SPOCK3: variants seen among roughly 807,000 people sequenced by gnomAD.
SPOCK3 encodes testican-3.
A neutral mutation model predicts 56.6 loss-of-function variants in SPOCK3; 30 were observed. That is an observed-to-expected ratio of 0.53 (90% CI 0.40 to 0.72). The LOEUF (loss-of-function observed/expected upper bound fraction) is 0.72. Among genes scored for constraint, SPOCK3 ranks in the 30% least tolerant of loss-of-function variants. The pLI is 0.00. For missense variants in SPOCK3, 527 were observed against 530.0 expected, an observed-to-expected ratio of 0.99 and a Z score of 0.06; for synonymous variants, 196 against 183.3, an observed-to-expected ratio of 1.07 and a Z score of -0.56.
At chr4:166,899,508 CTTT>C (rs781766258) in intron 5 of SPOCK3, among the ~76,000 whole-genome samples, 1 of 119,102 alleles carries the variant, frequency 8.4e-6, no homozygotes, top group Non-Finnish European at 1.7e-5. Context: ...TTCTTTCTTT[CTTT>C]TTTTTTTTTT....
intron 2 of SPOCK3, among the ~76,000 whole-genome samples, chr4:167,122,820 C>A (rs1404331964): frequency 6.6e-6 from 1 of 151,954 alleles, no homozygotes; most frequent in African/African-American, 2.4e-5. Flanking sequence ...ATGAGTGGTG[C>A]TAAAGAACAA....
chr4:166,750,532 G>A (rs1736237342), intron 8 of SPOCK3, among the ~76,000 whole-genome samples: 2 of 119,832 alleles, frequency 1.7e-5, no homozygotes. Context: ...TTTATTAACT[G>A]TTCTAAACCA....
intron 6 of SPOCK3, among the ~76,000 whole-genome samples, chr4:166,848,737 C>A (rs1748362196): frequency 6.6e-6 from 1 of 152,120 alleles, no homozygotes; most frequent in Admixed American, 6.5e-5. Flanking sequence ...ATTCTGGGAG[C>A]CAACAAGCCG....
At chr4:167,175,741 C>A (rs866031131) in intron 2 of SPOCK3, among the ~76,000 whole-genome samples, 1 of 152,088 alleles carries the variant, frequency 6.6e-6, no homozygotes, top group Non-Finnish European at 1.5e-5. Flanking sequence ...AATACCAGCC[C>A]TGTTCACACC....
chr4:166,997,919 A>T (rs1349118168), intron 4 of SPOCK3, among the ~76,000 whole-genome samples: 2 of 152,182 alleles, frequency 1.3e-5, no homozygotes, highest in African/African-American at 2.4e-5. Flanking sequence ...TAAACTATGC[A>T]AATGGACAAA....
At chr4:167,106,714 T>TA in intron 2 of SPOCK3, among the ~76,000 whole-genome samples, 1 of 151,098 alleles carries the variant, frequency 6.6e-6, no homozygotes, top group Non-Finnish European at 1.5e-5. Context: ...AAAGTTGTTT[T>TA]TTTTTTTTGA....
At chr4:166,830,625 T>C (rs1396750773) in intron 6 of SPOCK3, among the ~76,000 whole-genome samples, 1 of 152,126 alleles carries the variant, frequency 6.6e-6, no homozygotes, top group Non-Finnish European at 1.5e-5. Context: ...TCCTAGATAC[T>C]TGAAAGACTG....
intron 4 of SPOCK3, among the ~76,000 whole-genome samples, chr4:166,968,808 A>T (rs1745041536): frequency 6.6e-6 from 1 of 152,200 alleles, no homozygotes; most frequent in South Asian, 2.1e-4. Flanking sequence ...GAACTGTGCC[A>T]ATTCTCCAGA....
At chr4:167,125,306 T>G (rs1379353794) in intron 2 of SPOCK3, among the ~76,000 whole-genome samples, 1 of 149,918 alleles carries the variant, frequency 6.7e-6, no homozygotes, top group African/African-American at 2.4e-5. Context: ...GTGCCAGGCA[T>G]ATAGCACTCT....
At chr4:166,936,125 G>C (rs1355134693) in intron 4 of SPOCK3, among the ~76,000 whole-genome samples, 1 of 151,986 alleles carries the variant, frequency 6.6e-6, no homozygotes, top group Non-Finnish European at 1.5e-5. Context: ...TAATTACATT[G>C]ACTAGTTTTT....
At chr4:167,018,634 T>C (rs1413166686) in intron 3 of SPOCK3, among the ~76,000 whole-genome samples, 4 of 152,120 alleles carry the variant, frequency 2.6e-5, no homozygotes, top group Admixed American at 6.6e-5. Flanking sequence ...TCTGACTGTG[T>C]CTTCTGGATA....
chr4:166,855,928 T>C (rs1234491708), intron 6 of SPOCK3, among the ~76,000 whole-genome samples: 3 of 152,184 alleles, frequency 2.0e-5, no homozygotes, highest in Non-Finnish European at 2.9e-5. Context: ...CAAATCATCT[T>C]TTCTCATCAA....
chr4:166,828,277 C>T (rs1159314750), intron 6 of SPOCK3, among the ~76,000 whole-genome samples: 2 of 151,904 alleles, frequency 1.3e-5, no homozygotes, highest in African/African-American at 4.8e-5. Flanking sequence ...TGCCATGATA[C>T]ATTATTTCTT....
chr4:167,049,043 C>A (rs553027542), intron 3 of SPOCK3, among the ~76,000 whole-genome samples: 1 of 151,696 alleles, frequency 6.6e-6, no homozygotes, highest in East Asian at 1.9e-4. Context: ...TGGAGATGAT[C>A]AGATATGCAA....
rs1220478574 is a variant in SPOCK3 at position 167,100,442 on chromosome 4, GTCTC to G, written c.190-37909_190-37906del. On this transcript the variant is annotated intron_variant, in intron 2 of 10. Coordinates refer to ENST00000357545, the MANE Select transcript of SPOCK3 (RefSeq NM_001040159.2). ...CTCTCTTCTCTCTTTCTTTCTCTCT[GTCTC>G]TCTCTCTCTCTCACACACACACACC... 2.6e-3 allele frequency among the ~76,000 whole-genome samples: 373 copies of G among 144,520 alleles called. 3 individuals carry two copies. The highest frequency in any genetic ancestry group is 7.0e-3 in the African/African-American group (276 of 39,224). 94.8% of individuals were successfully genotyped at this position (144,520 alleles called of 152,430 possible). A position where few individuals can be genotyped will look rare whatever the true frequency, so the allele number is the denominator to read the frequency against.
chr4:167,177,679 A>G (rs1407151170), intron 2 of SPOCK3, among the ~76,000 whole-genome samples: 1 of 152,168 alleles, frequency 6.6e-6, no homozygotes, highest in East Asian at 1.9e-4. Context: ...AAGCTAACAA[A>G]GCAGCAATCA....
Position 167,088,813 on chromosome 4 carries a change from A to T in SPOCK3, c.190-26276T>A, listed in dbSNP as rs184927367. 4.4e-4 allele frequency among the ~76,000 whole-genome samples: 67 copies of T among 152,260 alleles called. 1 individual carries two copies. In the East Asian group the frequency reaches 0.011, roughly 26 times the overall value. ...ATTAAAACTTTGTATACTATAAAAA[A>T]ATCCATTTTATAGTAGCTAGTACCT... On this transcript the variant is annotated intron_variant, in intron 2 of 10. Coordinates refer to ENST00000357545, the MANE Select transcript of SPOCK3 (RefSeq NM_001040159.2).
Position 166,832,231 on chromosome 4 carries a change from C to T in SPOCK3, c.590-39942G>A, listed in dbSNP as rs527386740. ...TTAGTTTGAGGCCTTACATTTAAATCTTTAATTGATCTTGAGTTAATTTTT... is the reference window on the plus strand; with the variant it reads ...TTAGTTTGAGGCCTTACATTTAAATTTTTAATTGATCTTGAGTTAATTTTT... On this transcript the variant is annotated intron_variant, in intron 6 of 10. Transcript: ENST00000357545. Among the ~76,000 whole-genome samples, 4 of 152,122 alleles carry T rather than the reference C, an allele frequency of 2.6e-5. No individual in the cohort carries two copies. The East Asian group carries it at 7.7e-4, about 29-fold the overall frequency.
chr4:166,816,629 C>A (rs893184055), intron 6 of SPOCK3, among the ~76,000 whole-genome samples: 44 of 151,916 alleles, frequency 2.9e-4, no homozygotes, highest in African/African-American at 9.7e-4. Flanking sequence ...ACAAGTCAAA[C>A]ACTTTATGTT....
Sources: allele counts gnomAD v4.1 joint callset (sites outside exome capture counted in the v4.1 genomes callset), GRCh38; gene constraint gnomAD v4.1.1; transcripts MANE v1.5; gene names NCBI Gene and HGNC (gene_info 2026-07-23, HGNC 2026-07-21).